The following ZNF578 variants were observed in gnomAD, a reference collection of about 807,000 sequenced individuals.
ZNF578 encodes the protein zinc finger protein 578.
In ZNF578, 8 loss-of-function variants were observed where a neutral mutation model predicts 8.3. The ratio of observed to expected loss-of-function variants is 0.96; its 90% confidence interval spans 0.56 to 1.74. The LOEUF (loss-of-function observed/expected upper bound fraction) is 1.74. ZNF578 is among the 40% of genes most tolerant of loss of function. The pLI is 0.00. For missense variants in ZNF578, 726 were observed against 707.5 expected (o/e 1.03, Z -0.30); for synonymous variants, 206 against 232.2 (o/e 0.89, Z 1.03).
intron 2 of ZNF578, among the ~76,000 whole-genome samples, chr19:52,480,034 C>A (rs575063169): frequency 1.3e-4 from 20 of 152,212 alleles, no homozygotes; most frequent in African/African-American, 4.6e-4. Flanking sequence ...CTCAGCCTCC[C>A]GAGTAGCTGG....
Position 52,504,702 on chromosome 19 carries a change from G to A in ZNF578, c.111G>A (p.Glu37=), listed in dbSNP as rs774204650. The change falls in exon 5 of 6, where the codon GAG becomes GAA. Residue 37 remains glutamate (E), a synonymous_variant. Transcript: ENST00000421239. ...RDVAIEFSLA[E]WKFLNPAQRA... ...TGGCTATAGAATTCTCATTGGCAGAGTGGAAATTCCTGAACCCTGCGCAGA... is the reference window on the plus strand; with the variant it reads ...TGGCTATAGAATTCTCATTGGCAGAATGGAAATTCCTGAACCCTGCGCAGA... 6.2e-7 allele frequency: 1 copy of A among 1,614,164 alleles called. No individual in the cohort carries two copies. The highest frequency in any genetic ancestry group is 8.5e-7 in the Non-Finnish European group (1 of 1,180,034).
In ZNF578 at chr19:52,496,526, T is replaced by G. The variant is rs969207886; in HGVS notation, c.-20+5101T>G. Among the ~76,000 whole-genome samples the G allele has an allele frequency of 8.8e-5, 13 of 146,970 alleles. 1 individual carries two copies. Among genetic ancestry groups the G allele is most frequent in the African/African-American group, 3.1e-4 (12 of 39,224 alleles). ...TTGTATTTTTAGTAGAGACGGGGTG[T>G]CACCATGTTAGCCAGGATGGTCTCG... On this transcript the variant is annotated intron_variant, in intron 3 of 5. Transcript: ENST00000421239.
intron 3 of ZNF578, among the ~76,000 whole-genome samples, chr19:52,501,354 C>T (rs1276383810): frequency 1.3e-5 from 2 of 152,176 alleles, no homozygotes; most frequent in African/African-American, 2.4e-5. Flanking sequence ...GCTTTTGTGC[C>T]GCTTTAGCAG....
intron 4 of ZNF578, among the ~76,000 whole-genome samples, 176 bp from the exon 5 acceptor site, chr19:52,504,479 G>T (rs1424388567): frequency 2.6e-5 from 4 of 151,904 alleles, no homozygotes; most frequent in Non-Finnish European, 5.9e-5. Flanking sequence ...AATCTTTCAA[G>T]GAAAAGTACA....
rs1377708077 is a variant in ZNF578 at position 52,512,987 on chromosome 19, A to G, written c.*833A>G. Among the ~76,000 whole-genome samples, 2 of 151,972 alleles carry G rather than the reference A, an allele frequency of 1.3e-5. No individual in the cohort carries two copies. The highest frequency in any genetic ancestry group is 2.9e-5 in the Non-Finnish European group (2 of 67,996). ...TTGAGGTCAAGAGTTTGAAACAAGC[A>G]TGGCCAAGAGATGTGAGCCAGTTTT... On this transcript the variant is annotated 3_prime_UTR_variant, in exon 6 of 6. Coordinates refer to ENST00000421239, the MANE Select transcript of ZNF578 (RefSeq NM_001099694.2).
chr19:52,495,458 C>A (rs140525483), intron 3 of ZNF578, among the ~76,000 whole-genome samples: 3,837 of 141,882 alleles, frequency 0.027, 140 homozygotes, highest in East Asian at 0.11. Context: ...CTCAAAAAAA[C>A]CAAAAAAGAA....
chr19:52,500,395 T>C (rs2059402469), intron 3 of ZNF578, among the ~76,000 whole-genome samples: 1 of 143,348 alleles, frequency 7.0e-6, no homozygotes, highest in Non-Finnish European at 1.5e-5. Context: ...ATGGTTGCAA[T>C]CTTTTGAGTT....
At chr19:52,488,566 G>A (rs146817605) in intron 2 of ZNF578, among the ~76,000 whole-genome samples, 2,721 of 151,240 alleles carry the variant, frequency 0.018, 102 homozygotes, top group African/African-American at 0.056. Context: ...CCGAGATTGC[G>A]CCACTGCACT....
chr19:52,499,818 T>C (rs1261644921), intron 3 of ZNF578, among the ~76,000 whole-genome samples: 1 of 152,010 alleles, frequency 6.6e-6, no homozygotes, highest in Non-Finnish European at 1.5e-5. Flanking sequence ...CCCGAGTAGC[T>C]GGGATCACAA....
chr19:52,461,896 G>A (rs74948833), intron 2 of ZNF578, among the ~76,000 whole-genome samples: 8 of 152,268 alleles, frequency 5.3e-5, no homozygotes, highest in Middle Eastern at 6.8e-3. Flanking sequence ...TGGTCCGGCT[G>A]TACCAAAATT....
chr19:52,463,183 C>T (rs1000328185), intron 2 of ZNF578, among the ~76,000 whole-genome samples: 1 of 152,212 alleles, frequency 6.6e-6, no homozygotes, highest in African/African-American at 2.4e-5. Flanking sequence ...TAATGCTCCA[C>T]TACAGTAGCC....
Position 52,508,728 on chromosome 19 carries a change from T to C in ZNF578, c.191-1844T>C, listed in dbSNP as rs529616082. Among the ~76,000 whole-genome samples, 3 of 150,418 alleles carry C rather than the reference T, an allele frequency of 2.0e-5. No individual in the cohort carries two copies. The South Asian group carries it at 6.3e-4, about 32-fold the overall frequency. Reference sequence around the variant, plus strand: ...GAGAATTGCTTCAACCCAGGAGGCATAGGTTGTGGTGAGCTGATATTGCAT... The same window carrying C: ...GAGAATTGCTTCAACCCAGGAGGCACAGGTTGTGGTGAGCTGATATTGCAT... On this transcript the variant is annotated intron_variant, in intron 5 of 5. Coordinates refer to ENST00000421239, the MANE Select transcript of ZNF578 (RefSeq NM_001099694.2).
At chr19:52,496,904 T>A (rs1476351591) in intron 3 of ZNF578, among the ~76,000 whole-genome samples, 2 of 152,036 alleles carry the variant, frequency 1.3e-5, no homozygotes, top group Non-Finnish European at 2.9e-5. Context: ...CCCAAGGTGC[T>A]GGGATTACAG....
intron 2 of ZNF578, among the ~76,000 whole-genome samples, chr19:52,459,713 ATGTGTGTGTG>A (rs1555751309): frequency 3.8e-4 from 7 of 18,240 alleles, no homozygotes; most frequent in South Asian, 2.3e-3. Context: ...ATATGTAGAT[ATGTGTGTGTG>A]TGTGTGTGTG....
rs1555751349 is a variant in ZNF578, at chr19:52,459,769, A to ATATATATAT, written c.-122+2812_-122+2813insATATATATT. Among the ~76,000 whole-genome samples, 79 of 17,616 alleles carry ATATATATAT rather than the reference A, an allele frequency of 4.5e-3. 6 individuals are homozygous for ATATATATAT. Among genetic ancestry groups the ATATATATAT allele is most frequent in the Admixed American group, 0.013 (7 of 552 alleles). 11.6% of individuals were successfully genotyped at this position (17,616 alleles called of 152,430 possible). Reference sequence around the variant, plus strand: ...TGTGTGTGTATATATATATATATATATTTTTTTTTTTTTTTTTTTTTTTTG... The same window carrying ATATATATAT: ...TGTGTGTGTATATATATATATATATATATATATATTTTTTTTTTTTTTTTTTTTTTTTTG... On this transcript the variant is annotated intron_variant, in intron 2 of 5. Coordinates refer to ENST00000421239, the MANE Select transcript of ZNF578 (RefSeq NM_001099694.2).
chr19:52,492,664 C>T (rs2059369845), intron 3 of ZNF578, among the ~76,000 whole-genome samples: 1 of 152,200 alleles, frequency 6.6e-6, no homozygotes, highest in Non-Finnish European at 1.5e-5. Flanking sequence ...GAGCTGCCTG[C>T]CAGGCCAAGT....
At position 52,516,132 on chromosome 19, in the gene ZNF578, T is replaced by C. The variant is rs2059474561; in HGVS notation, c.*3978T>C. On this transcript the variant is annotated 3_prime_UTR_variant, in exon 6 of 6. Coordinates refer to ENST00000421239, the MANE Select transcript of ZNF578 (RefSeq NM_001099694.2). ...TCCTGTCTCAGGTCATTGTCCCTGC[T>C]CTTACCCTATGTACCCTGTCCCTTT... is the stretch of plus-strand genomic sequence containing the variant. Among the ~76,000 whole-genome samples the C allele has an allele frequency of 6.6e-6, 1 of 152,140 alleles. No homozygotes were observed. Among genetic ancestry groups the C allele is most frequent in the Non-Finnish European group, 1.5e-5 (1 of 68,034 alleles).
intron 2 of ZNF578, chr19:52,474,279 A>G (rs541104456): frequency 3.7e-5 from 11 of 298,560 alleles, no homozygotes; most frequent in African/African-American, 1.5e-4. Flanking sequence ...CATACAAGGT[A>G]TGAAAGTTGA....
intron 2 of ZNF578, among the ~76,000 whole-genome samples, chr19:52,459,767 A>ATTT (rs1177924530): frequency 0.012 from 74 of 6,016 alleles, 17 homozygotes; most frequent in African/African-American, 0.019. Flanking sequence ...ATATATATAT[A>ATTT]TATTTTTTTT....
Sources: gnomAD v4.1 joint callset for allele counts (sites outside exome capture counted in the v4.1 genomes callset) on GRCh38, gnomAD v4.1.1 for gene constraint, MANE v1.5 for transcripts, NCBI Gene and HGNC (gene_info 2026-07-23, HGNC 2026-07-21) for gene names.